Variants in GPHN observed in about 807,000 individuals in gnomAD.
GPHN encodes the protein gephyrin.
In GPHN, 17 loss-of-function variants were observed where a neutral mutation model predicts 95.5. The ratio of observed to expected loss-of-function variants is 0.18; its 90% CI spans 0.12 to 0.27. GPHN has a LOEUF of 0.27. Ranked by LOEUF, GPHN falls within the 10% of genes least tolerant of loss-of-function variation. The pLI is 1.00. For synonymous variants in GPHN, 320 were observed against 322.5 expected (o/e 0.99, Z 0.08); for missense variants, 660 against 978.1 (o/e 0.67, Z 4.34).
At chr14:66,627,264 T>G (rs1046207558) in intron 1 of GPHN, among the ~76,000 whole-genome samples, 6 of 152,052 alleles carry the variant, frequency 3.9e-5, no homozygotes, top group African/African-American at 1.2e-4. Flanking sequence ...TTATATTCCC[T>G]GCTTGTTTCA....
At chr14:67,687,369 C>T in the GPHN span, among the ~76,000 whole-genome samples, 6 of 152,070 alleles carry the variant, frequency 3.9e-5, no homozygotes, top group Non-Finnish European at 8.8e-5. Context: ...TTGCTTTCTA[C>T]AACCTACCAA....
chr14:66,729,438 A>G (rs1387107687), intron 2 of GPHN, among the ~76,000 whole-genome samples: 1 of 152,208 alleles, frequency 6.6e-6, no homozygotes, highest in Non-Finnish European at 1.5e-5. Flanking sequence ...TCACCCTAAA[A>G]AGCAAAACAA....
intron 1 of GPHN, among the ~76,000 whole-genome samples, chr14:66,510,941 G>A (rs1011246708): frequency 4.9e-4 from 74 of 152,136 alleles, no homozygotes; most frequent in African/African-American, 1.7e-3. Flanking sequence ...CTAGGGCCAG[G>A]AACAAGGATG....
intron 4 of GPHN, among the ~76,000 whole-genome samples, chr14:66,866,938 T>C (rs1052421806): frequency 6.6e-6 from 1 of 152,160 alleles, no homozygotes; most frequent in Non-Finnish European, 1.5e-5. Context: ...TTGAATGGAA[T>C]GGAAAACAAA....
the GPHN span, among the ~76,000 whole-genome samples, chr14:67,565,497 A>G: frequency 2.6e-5 from 4 of 152,032 alleles, no homozygotes; most frequent in African/African-American, 9.7e-5. Flanking sequence ...CTCCTTTGTC[A>G]GCCATAAGAG....
the GPHN span, chr14:67,647,750 TTATTAG>T: frequency 3.7e-6 from 1 of 269,118 alleles, no homozygotes; most frequent in Non-Finnish European, 7.0e-6. Flanking sequence ...CTATTGACAG[TTATTAG>T]TATAAGAGGT....
chr14:67,703,306 T>C, the GPHN span, among the ~76,000 whole-genome samples: 4 of 152,218 alleles, frequency 2.6e-5, no homozygotes, highest in African/African-American at 9.7e-5. Context: ...GGTAAGGTAG[T>C]TCGATGGCAG....
At chr14:66,957,077 C>T (rs1458756525) in intron 8 of GPHN, among the ~76,000 whole-genome samples, 2 of 147,702 alleles carry the variant, frequency 1.4e-5, no homozygotes, top group African/African-American at 2.5e-5. Flanking sequence ...AACTAACCTG[C>T]ACAATGTGCA....
rs757111014 is a variant in GPHN at position 67,165,147 on chromosome 14, CTT to C, written c.1911-9_1911-8del. 4 of 1,591,276 alleles carry C rather than the reference CTT, an allele frequency of 2.5e-6. No individual in the cohort carries two copies. The highest frequency in any genetic ancestry group is 2.2e-5 in the East Asian group (1 of 44,754). On this transcript the variant is annotated splice_polypyrimidine_tract_variant and intron_variant, in intron 19 of 22. Transcript: ENST00000478722. Reference sequence around the variant, plus strand: ...GCTTAGCAATCACTAACAAGTGACTCTTTTTTTCTTCTAGCTTGCCAACAACA... The same window carrying C: ...GCTTAGCAATCACTAACAAGTGACTCTTTTTCTTCTAGCTTGCCAACAACA...
chr14:67,218,670 T>C, the GPHN span, among the ~76,000 whole-genome samples: 1 of 152,062 alleles, frequency 6.6e-6, no homozygotes, highest in Non-Finnish European at 1.5e-5. Context: ...GCCAGAAACA[T>C]ATCTGTAGGG....
intron 3 of GPHN, among the ~76,000 whole-genome samples, chr14:66,820,526 ATCT>A (rs1253877827): frequency 1.3e-5 from 2 of 152,084 alleles, no homozygotes; most frequent in Non-Finnish European, 2.9e-5. Context: ...CGTTTCTAGA[ATCT>A]TCATCTTGAA....
intron 1 of GPHN, among the ~76,000 whole-genome samples, chr14:66,629,241 A>ATATTTAT: frequency 1.4e-4 from 20 of 146,450 alleles, no homozygotes; most frequent in East Asian, 3.9e-4. Context: ...ATATAAATAT[A>ATATTTAT]AAACACACGT....
the GPHN span, among the ~76,000 whole-genome samples, chr14:67,640,293 A>G: frequency 6.6e-6 from 1 of 152,104 alleles, no homozygotes. Flanking sequence ...TTAAAGTGTA[A>G]TGACCAAAAG....
the GPHN span, chr14:67,390,563 G>A: frequency 1.2e-6 from 1 of 832,260 alleles, no homozygotes; most frequent in Non-Finnish European, 2.1e-6. Context: ...CGGGTGCCAG[G>A]GGAAGGCAGG....
rs534397513 is a variant in GPHN, at chr14:66,771,578, A to AT, written c.144-4877dup. Among the ~76,000 whole-genome samples, 962 of 151,840 alleles carry AT rather than the reference A, an allele frequency of 6.3e-3. 31 individuals carry two copies. The highest frequency in any genetic ancestry group is 0.048 in the Admixed American group (728 of 15,228). ...GCCAAGGTGGCATTGCAAAATTGCA[A>AT]TTTTTTTTTATCATATATTAAGTTT... is the stretch of plus-strand genomic sequence containing the variant. On this transcript the variant is annotated intron_variant, in intron 2 of 22. Transcript: ENST00000478722.
chr14:66,960,603 A>T (rs2068835446), intron 8 of GPHN, among the ~76,000 whole-genome samples: 1 of 152,188 alleles, frequency 6.6e-6, no homozygotes, highest in Non-Finnish European at 1.5e-5. Context: ...TAATAAAAAC[A>T]AAACAAACAA....
At chr14:67,701,321 G>A in the GPHN span, among the ~76,000 whole-genome samples, 110 of 151,106 alleles carry the variant, frequency 7.3e-4, no homozygotes, top group African/African-American at 2.5e-3. Flanking sequence ...TAACATAGAG[G>A]ACCAAAATCT....
At chr14:66,558,130 C>T (rs566743157) in intron 1 of GPHN, among the ~76,000 whole-genome samples, 1 of 151,984 alleles carries the variant, frequency 6.6e-6, no homozygotes, top group East Asian at 1.9e-4. Context: ...TAAAACAAAA[C>T]TCCTAAATCA....
At chr14:67,322,990 T>C in the GPHN span, among the ~76,000 whole-genome samples, 19 of 152,288 alleles carry the variant, frequency 1.2e-4, no homozygotes, top group African/African-American at 4.6e-4. Flanking sequence ...TTTGCTTATA[T>C]TTAGTGTCTG....
Sources: gnomAD v4.1 joint callset for allele counts (sites outside exome capture counted in the v4.1 genomes callset) on GRCh38, gnomAD v4.1.1 for gene constraint, MANE v1.5 for transcripts, NCBI Gene and HGNC (gene_info 2026-07-23, HGNC 2026-07-21) for gene names.